MCM9: variants seen among roughly 807,000 people sequenced by gnomAD.
MCM9 encodes the protein minichromosome maintenance 9 homologous recombination repair factor.
Under a neutral mutation model 72.8 loss-of-function variants are expected in MCM9, and 55 were observed. The ratio of observed to expected loss-of-function variants is 0.76; its 90% CI spans 0.61 to 0.95. The LOEUF (loss-of-function observed/expected upper bound fraction) is 0.95. Among genes scored for constraint, MCM9 ranks in the 40% least tolerant of loss-of-function variants. The pLI is 0.00. For synonymous variants in MCM9, 480 were observed against 503.4 expected, an observed-to-expected ratio of 0.95 and a Z score of 0.62; for missense variants, 1,279 against 1,377.0, an observed-to-expected ratio of 0.93 and a Z score of 1.13.
At chr6:118,892,807 C>A (rs1413454412) in intron 8 of MCM9, among the ~76,000 whole-genome samples, 2 of 152,138 alleles carry the variant, frequency 1.3e-5, no homozygotes, top group African/African-American at 4.8e-5. Flanking sequence ...GAACTCTTCC[C>A]CACTCTAACC....
chr6:118,883,069 CAA>C (rs36162403), intron 8 of MCM9, among the ~76,000 whole-genome samples: 10 of 46,126 alleles, frequency 2.2e-4, no homozygotes, highest in Admixed American at 4.5e-4. Context: ...CTCAAAGATG[CAA>C]AAAAAAAAAA....
chr6:118,849,828 G>C (rs942403037), intron 9 of MCM9, among the ~76,000 whole-genome samples: 1 of 151,758 alleles, frequency 6.6e-6, no homozygotes, highest in Non-Finnish European at 1.5e-5. Context: ...AGAAAGAGGG[G>C]AGATGCATAA....
intron 3 of MCM9, among the ~76,000 whole-genome samples, chr6:118,930,252 A>G (rs576506212): frequency 2.0e-5 from 3 of 152,152 alleles, no homozygotes; most frequent in African/African-American, 4.8e-5. Context: ...CTGGGACTAC[A>G]GGCGCCCGCC....
At chr6:118,906,871 T>A (rs1583623210) in intron 8 of MCM9, among the ~76,000 whole-genome samples, 1 of 152,306 alleles carries the variant, frequency 6.6e-6, no homozygotes, top group East Asian at 1.9e-4. Context: ...GGCCGGACTA[T>A]TTTTCACCCT....
intron 8 of MCM9, among the ~76,000 whole-genome samples, chr6:118,888,944 G>A (rs1013508728): frequency 6.6e-6 from 1 of 152,062 alleles, no homozygotes; most frequent in Non-Finnish European, 1.5e-5. Flanking sequence ...AGGGGGATGT[G>A]CTAAAGGCTA....
intron 8 of MCM9, chr6:118,900,868 T>G: frequency 6.2e-7 from 1 of 1,610,662 alleles, no homozygotes. Context: ...GGAAGGCATA[T>G]GTTTGTATTT....
intron 13 of MCM9, 150 bp from the exon 14 acceptor site, chr6:118,816,444 A>G: frequency 1.8e-6 from 1 of 551,816 alleles, no homozygotes; most frequent in South Asian, 5.5e-5. Context: ...CTAGAGCAGC[A>G]GAATGAAATA....
chr6:118,815,248 G>C lies in MCM9; in HGVS notation c.3008C>G (p.Pro1003Arg). ...AGGGGCACACATCACCTTCTCTCTT[G>C]GTCCGTGTTTCTCTGGTGGCTGCTG... ...VSQQPPEKHG[P>R]REKVMCAPEK... The change falls in exon 14 of 14, where the codon CCA (proline) becomes CGA (arginine). Residue 1003 changes from proline (P) to arginine (R), a missense_variant. Pro to Arg is a moderately radical substitution (Grantham distance 103). Coordinates refer to ENST00000619706, the MANE Select transcript of MCM9 (RefSeq NM_017696.3). 1 of 1,550,562 alleles carries C rather than the reference G, an allele frequency of 6.4e-7. No homozygotes were observed. Among genetic ancestry groups the C allele is most frequent in the South Asian group, 1.2e-5 (1 of 84,036 alleles).
In MCM9 at chr6:118,910,083, C is replaced by T. The variant is rs538405747; in HGVS notation, c.1150+1567G>A. ...AGTGAGCTGAGATTGCATCACTGCA[C>T]TCCAGCCTGGGCGACAGCACTAGAC... is the stretch of plus-strand genomic sequence containing the variant. On this transcript the variant is annotated intron_variant, in intron 8 of 13. Transcript: ENST00000619706. 3.5e-5 allele frequency among the ~76,000 whole-genome samples: 5 copies of T among 141,744 alleles called. No individual in the cohort carries two copies. The East Asian group carries it at 1.2e-3, about 33-fold the overall frequency. 93.0% of individuals were successfully genotyped at this position (141,744 alleles called of 152,430 possible).
At chr6:118,820,026 G>A (rs1201072726) in intron 13 of MCM9, among the ~76,000 whole-genome samples, 13 of 151,854 alleles carry the variant, frequency 8.6e-5, no homozygotes, top group Non-Finnish European at 1.9e-4. Context: ...TGCTTCATTA[G>A]TATGGCTAGC....
At position 118,823,553 on chromosome 6, in the gene MCM9, A is replaced by G. The variant is rs202199116; in HGVS notation, c.1961+2594T>C. Among the ~76,000 whole-genome samples, 8 of 152,344 alleles carry G rather than the reference A, an allele frequency of 5.3e-5. No homozygotes were observed. In the East Asian group the frequency reaches 1.3e-3, roughly 26 times the overall value. ...GCTGTTCCTATTTGGCCATCTTGCCAGATCTCATATTTTCATTTCAAATTT... is the reference window on the plus strand; with the variant it reads ...GCTGTTCCTATTTGGCCATCTTGCCGGATCTCATATTTTCATTTCAAATTT... On this transcript the variant is annotated intron_variant, in intron 13 of 13. Coordinates refer to ENST00000619706, the MANE Select transcript of MCM9 (RefSeq NM_017696.3).
At chr6:118,913,985 T>TAATGAGTCAGATCATAC (rs1780749404) in intron 6 of MCM9, among the ~76,000 whole-genome samples, 1 of 152,140 alleles carries the variant, frequency 6.6e-6, no homozygotes. Flanking sequence ...ATCTCAGAAA[T>TAATGAGTCAGATCATAC]AATGAGTCAG....
intron 8 of MCM9, among the ~76,000 whole-genome samples, chr6:118,860,064 C>T (rs1776805439): frequency 6.6e-6 from 1 of 152,158 alleles, no homozygotes; most frequent in Admixed American, 6.5e-5. Context: ...GTTCCTAGTA[C>T]ATCATGTCTA....
intron 8 of MCM9, among the ~76,000 whole-genome samples, chr6:118,895,089 C>T (rs1583576687): frequency 6.6e-6 from 1 of 152,162 alleles, no homozygotes; most frequent in South Asian, 2.1e-4. Context: ...ACTCTCCGGG[C>T]TGGCCATGCC....
chr6:118,874,261 AT>A (rs1777798239), intron 8 of MCM9, among the ~76,000 whole-genome samples: 1 of 152,168 alleles, frequency 6.6e-6, no homozygotes, highest in South Asian at 2.1e-4. Flanking sequence ...TCTCAAAAAA[AT>A]AAAATAAAAA....
chr6:118,891,396 A>G (rs146273616), intron 8 of MCM9, among the ~76,000 whole-genome samples: 1,580 of 152,332 alleles, frequency 0.01, 30 homozygotes, highest in African/African-American at 0.036. Flanking sequence ...TAGAGCTGCC[A>G]TAACAAAATA....
rs186732072 is a variant in MCM9, at chr6:118,910,218, T to G, written c.1150+1432A>C. On this transcript the variant is annotated intron_variant, in intron 8 of 13. Coordinates refer to ENST00000619706, the MANE Select transcript of MCM9 (RefSeq NM_017696.3). ...GCACCTTTACTATGCAGTATTTTGG[T>G]TTTTTTTTAATTGTATTTTACTTTG... is the stretch of plus-strand genomic sequence containing the variant. Among the ~76,000 whole-genome samples the G allele has an allele frequency of 8.0e-3, 1,208 of 151,466 alleles. 10 individuals carry two copies. The highest frequency in any genetic ancestry group is 0.014 in the Middle Eastern group (4 of 290).
chr6:118,860,698 C>A (rs1163219716), intron 8 of MCM9, among the ~76,000 whole-genome samples: 1 of 152,030 alleles, frequency 6.6e-6, no homozygotes, highest in Admixed American at 6.5e-5. Context: ...AAAAAAAAAT[C>A]ATAAAAGAAG....
intron 8 of MCM9, chr6:118,893,916 G>GCGCCCTCCCGCCGCAGCCA: frequency 1.7e-6 from 1 of 583,230 alleles, no homozygotes; most frequent in Non-Finnish European, 2.1e-6. Flanking sequence ...CGGCCGGATC[G>GCGCCCTCCCGCCGCAGCCA]CGCCCTCCCG....
Sources: gnomAD v4.1 joint callset for allele counts (sites outside exome capture counted in the v4.1 genomes callset) on GRCh38, gnomAD v4.1.1 for gene constraint, MANE v1.5 for transcripts, NCBI Gene and HGNC (gene_info 2026-07-23, HGNC 2026-07-21) for gene names.